KCNQ5: variants seen among roughly 807,000 people sequenced by gnomAD.
KCNQ5 encodes the protein potassium voltage-gated channel subfamily Q member 5.
In KCNQ5, 30 loss-of-function variants were observed where a neutral mutation model predicts 98.2. The ratio of observed to expected loss-of-function variants is 0.31; its 90% CI spans 0.23 to 0.41. The LOEUF is 0.41. KCNQ5 is among the 10% of genes least tolerant of loss of function. The pLI is 1.00. For synonymous variants in KCNQ5, 458 were observed against 449.4 expected, an observed-to-expected ratio of 1.02 and a Z score of -0.24; for missense variants, 835 against 1,182.5, an observed-to-expected ratio of 0.71 and a Z score of 4.31.
chr6:72,837,409 T>G (rs535255266), intron 1 of KCNQ5, among the ~76,000 whole-genome samples: 1 of 152,330 alleles, frequency 6.6e-6, no homozygotes, highest in African/African-American at 2.4e-5. Context: ...GATAATTGTT[T>G]CTTAATTCTG....
At position 72,740,408 on chromosome 6, in the gene KCNQ5, G is replaced by A. The variant is rs374033995; in HGVS notation, c.398+117821G>A. On this transcript the variant is annotated intron_variant, in intron 1 of 13. Transcript: ENST00000370398. ...TGTCTTGAGAGAAACATCCCTGCTA[G>A]TGAGTAACTAAAATTCTCTGCAGAT... is the stretch of plus-strand genomic sequence containing the variant. Among the ~76,000 whole-genome samples the A allele has an allele frequency of 4.0e-4, 61 of 152,254 alleles. 1 individual carries two copies. In the South Asian group the frequency reaches 0.012, roughly 30 times the overall value.
intron 1 of KCNQ5, among the ~76,000 whole-genome samples, chr6:72,882,231 C>A (rs946476932): frequency 5.3e-5 from 8 of 152,266 alleles, no homozygotes; most frequent in African/African-American, 1.7e-4. Flanking sequence ...ACTTCAAAGG[C>A]CAAAATATCC....
intron 7 of KCNQ5, among the ~76,000 whole-genome samples, chr6:73,118,001 C>A (rs564231898): frequency 1.3e-5 from 2 of 152,168 alleles, no homozygotes; most frequent in Admixed American, 6.5e-5. Context: ...AAACCTTCCT[C>A]AAAAATATAA....
chr6:72,742,786 T>G (rs945256181), intron 1 of KCNQ5, among the ~76,000 whole-genome samples: 2 of 152,100 alleles, frequency 1.3e-5, no homozygotes, highest in Non-Finnish European at 1.5e-5. Context: ...GAGTTGAAAT[T>G]TTCCCTGAGA....
intron 5 of KCNQ5, among the ~76,000 whole-genome samples, chr6:73,080,550 A>G (rs1052013208): frequency 1.3e-5 from 2 of 152,180 alleles, no homozygotes; most frequent in Non-Finnish European, 2.9e-5. Flanking sequence ...AATTTAGACT[A>G]TTATACCTTT....
At chr6:72,699,975 A>G (rs1372200650) in intron 1 of KCNQ5, among the ~76,000 whole-genome samples, 1 of 152,206 alleles carries the variant, frequency 6.6e-6, no homozygotes, top group Non-Finnish European at 1.5e-5. Flanking sequence ...TCTGTAAAAT[A>G]AGGATAAGAA....
intron 1 of KCNQ5, among the ~76,000 whole-genome samples, chr6:72,743,137 A>C (rs1376134416): frequency 6.6e-6 from 1 of 152,114 alleles, no homozygotes; most frequent in South Asian, 2.1e-4. Context: ...GCTAAAATGC[A>C]CTCTTGACTT....
rs1769792241 is a variant in KCNQ5, at chr6:73,005,923, A to G, written c.489+1925A>G. ...TCTCAAAACCTACCTAGAAATATGC[A>G]GACTGCATTGCAGAGCTAAGATTCA... On this transcript the variant is annotated intron_variant, in intron 2 of 13. Coordinates refer to ENST00000370398, the MANE Select transcript of KCNQ5 (RefSeq NM_019842.4). Among the ~76,000 whole-genome samples the G allele has an allele frequency of 2.6e-5, 4 of 152,228 alleles. No individual in the cohort carries two copies. The South Asian group carries it at 8.3e-4, about 32-fold the overall frequency.
intron 1 of KCNQ5, among the ~76,000 whole-genome samples, chr6:72,949,757 T>C (rs960614684): frequency 2.0e-5 from 3 of 152,178 alleles, no homozygotes; most frequent in Non-Finnish European, 4.4e-5. Context: ...TTTTCATAAA[T>C]CATTATGGGA....
intron 10 of KCNQ5, among the ~76,000 whole-genome samples, chr6:73,141,742 A>AT (rs1776721071): frequency 6.6e-6 from 1 of 152,316 alleles, no homozygotes; most frequent in South Asian, 2.1e-4. Context: ...ACCCAGGGTT[A>AT]TAAACTGGAG....
intron 2 of KCNQ5, among the ~76,000 whole-genome samples, chr6:73,030,005 T>C (rs944467511): frequency 6.7e-6 from 1 of 149,792 alleles, no homozygotes. Context: ...TATAAATAAA[T>C]AGCACAGAAT....
chr6:73,107,919 T>C (rs925683467), intron 6 of KCNQ5, among the ~76,000 whole-genome samples: 10 of 152,166 alleles, frequency 6.6e-5, no homozygotes, highest in Non-Finnish European at 1.2e-4. Flanking sequence ...TATATACCTT[T>C]AGAAAAAAAC....
At chr6:72,640,622 A>G (rs1004437879) in intron 1 of KCNQ5, 1 of 152,202 alleles carries the variant, frequency 6.6e-6, no homozygotes, top group Admixed American at 6.5e-5. Context: ...TTTTGAGTGT[A>G]TAGATAAAAA....
At chr6:72,997,443 T>C (rs534903076) in intron 1 of KCNQ5, among the ~76,000 whole-genome samples, 1 of 152,140 alleles carries the variant, frequency 6.6e-6, no homozygotes, top group Non-Finnish European at 1.5e-5. Flanking sequence ...AAATGCAATA[T>C]TTCATTCTTT....
In KCNQ5 at chr6:73,175,396, C is replaced by A. The variant is rs998506759; in HGVS notation, c.1577+5542C>A. Among the ~76,000 whole-genome samples the A allele has an allele frequency of 4.6e-5, 7 of 152,216 alleles. No individual in the cohort carries two copies. The South Asian group carries it at 1.4e-3, about 32-fold the overall frequency. On this transcript the variant is annotated intron_variant, in intron 11 of 13. Coordinates refer to ENST00000370398, the MANE Select transcript of KCNQ5 (RefSeq NM_019842.4). ...AACTCTCGACCTCAGGTGATCTGCC[C>A]CCCCCTTGGCTTCCCTAAGTGCTGG...
At chr6:73,039,354 C>G (rs1343151097) in intron 2 of KCNQ5, among the ~76,000 whole-genome samples, 2 of 151,976 alleles carry the variant, frequency 1.3e-5, no homozygotes, top group Non-Finnish European at 2.9e-5. Flanking sequence ...TTCCTTCTAT[C>G]TGCTTCCTTT....
chr6:72,912,511 A>C (rs10498886), intron 1 of KCNQ5, among the ~76,000 whole-genome samples: 14,596 of 152,220 alleles, frequency 0.096, 1,031 homozygotes, highest in East Asian at 0.31. Flanking sequence ...CAAAATGCTC[A>C]GGCTTTGTTA....
chr6:73,015,959 A>G (rs9446818), intron 2 of KCNQ5, among the ~76,000 whole-genome samples: 12,781 of 152,106 alleles, frequency 0.084, 1,811 homozygotes, highest in African/African-American at 0.29. Context: ...CATTTATTCA[A>G]CAAGATGTAT....
At chr6:72,702,086 AC>A (rs1383242068) in intron 1 of KCNQ5, among the ~76,000 whole-genome samples, 1 of 152,236 alleles carries the variant, frequency 6.6e-6, no homozygotes, top group Admixed American at 6.5e-5. Flanking sequence ...AGAATGCTCA[AC>A]TAAATTGTTA....
Sources: allele counts gnomAD v4.1 joint callset (sites outside exome capture counted in the v4.1 genomes callset), GRCh38; gene constraint gnomAD v4.1.1; transcripts MANE v1.5; gene names NCBI Gene and HGNC (gene_info 2026-07-23, HGNC 2026-07-21).